The following FMN2 variants were observed in gnomAD, a reference collection of about 807,000 sequenced individuals.
The protein encoded by FMN2 is formin 2, also known as formin-2.
In FMN2, 51 loss-of-function variants were observed where a neutral mutation model predicts 142.3. The observed-to-expected ratio is 0.36, with a 90% CI of 0.29 to 0.45. The LOEUF (loss-of-function observed/expected upper bound fraction) is 0.45, where lower values mean the gene tolerates loss of function less well. Ranked by LOEUF, FMN2 falls within the 20% of genes least tolerant of loss-of-function variation. FMN2 has a pLI of 1.00. For missense variants in FMN2, 1,936 were observed against 2,122.8 expected (o/e 0.91, Z 1.73); for synonymous variants, 882 against 869.8 (o/e 1.01, Z -0.25).
At chr1:240,270,536 C>T (rs1668965260) in intron 7 of FMN2, among the ~76,000 whole-genome samples, 1 of 151,976 alleles carries the variant, frequency 6.6e-6, no homozygotes, top group Non-Finnish European at 1.5e-5. Flanking sequence ...TTGATAACTG[C>T]CACAGCACAA....
chr1:240,452,154 G>A (rs540548709), intron 16 of FMN2, among the ~76,000 whole-genome samples: 29 of 152,138 alleles, frequency 1.9e-4, no homozygotes, highest in African/African-American at 5.3e-4. Context: ...TCACACCACC[G>A]CACTCCAGCC....
intron 6 of FMN2, among the ~76,000 whole-genome samples, chr1:240,216,670 T>C (rs926985776): frequency 6.6e-6 from 1 of 152,254 alleles, no homozygotes; most frequent in African/African-American, 2.4e-5. Flanking sequence ...TTTGGTATCA[T>C]GTTTAGTCTT....
chr1:240,235,594 TA>T (rs66531344), intron 6 of FMN2, among the ~76,000 whole-genome samples: 44,945 of 151,390 alleles, frequency 0.3, 8,071 homozygotes, highest in Non-Finnish European at 0.4. Flanking sequence ...AATTTTTTAT[TA>T]TTTTTTTTAG....
At chr1:240,332,013 A>G (rs555376090) in intron 11 of FMN2, among the ~76,000 whole-genome samples, 32 of 152,270 alleles carry the variant, frequency 2.1e-4, no homozygotes, top group African/African-American at 7.7e-4. Context: ...AAGCATCGGG[A>G]GTCGGAGACT....
intron 7 of FMN2, among the ~76,000 whole-genome samples, chr1:240,280,043 T>G (rs1348761521): frequency 6.6e-6 from 1 of 152,142 alleles, no homozygotes; most frequent in African/African-American, 2.4e-5. Flanking sequence ...TACCCTAACA[T>G]GTCTAATTTT....
intron 14 of FMN2, among the ~76,000 whole-genome samples, chr1:240,356,179 G>C (rs60010933): frequency 0.011 from 1,631 of 152,000 alleles, 32 homozygotes; most frequent in African/African-American, 0.037. Context: ...CTAGATATTA[G>C]TTAAAATAGC....
rs546638460 is a variant in FMN2, at chr1:240,214,415, G to A, written c.4065+3180G>A. Among the ~76,000 whole-genome samples the A allele has an allele frequency of 2.7e-3, 413 of 152,006 alleles. 3 individuals carry two copies. The South Asian group carries it at 0.027, about 10-fold the overall frequency. On this transcript the variant is annotated intron_variant, in intron 6 of 17. Coordinates refer to ENST00000319653, the MANE Select transcript of FMN2 (RefSeq NM_020066.5). ...AAATACAAAAAATTAGCCGGGCGTG[G>A]CAGCAGGTGCCCGTAGTCTCAGCTA... is the stretch of plus-strand genomic sequence containing the variant.
intron 15 of FMN2, among the ~76,000 whole-genome samples, chr1:240,410,142 A>G (rs746458120): frequency 1.5e-5 from 2 of 137,114 alleles, no homozygotes; most frequent in Non-Finnish European, 3.1e-5. Context: ...ACTGTCTCCC[A>G]GATAACAGTA....
intron 16 of FMN2, among the ~76,000 whole-genome samples, chr1:240,450,124 G>A (rs1675959585): frequency 6.6e-6 from 1 of 151,938 alleles, no homozygotes; most frequent in South Asian, 2.1e-4. Context: ...TGGTGTTTTA[G>A]GGCCTATGAT....
intron 14 of FMN2, among the ~76,000 whole-genome samples, chr1:240,367,722 C>T (rs1002510877): frequency 2.3e-4 from 32 of 137,584 alleles, no homozygotes; most frequent in Non-Finnish European, 4.5e-4. Context: ...GAGCCGAGAT[C>T]ACGCCACTGC....
At chr1:240,350,139 A>G (rs1384459116) in intron 13 of FMN2, among the ~76,000 whole-genome samples, 1 of 152,216 alleles carries the variant, frequency 6.6e-6, no homozygotes, top group Non-Finnish European at 1.5e-5. Flanking sequence ...TGTACAAAAT[A>G]TATGAGAGTT....
At chr1:240,144,345 G>C in intron 2 of FMN2, 2 of 1,605,958 alleles carry the variant, frequency 1.2e-6, no homozygotes, top group Non-Finnish European at 1.7e-6. Flanking sequence ...ATGTCATCAG[G>C]CACCTTGGGC....
intron 8 of FMN2, among the ~76,000 whole-genome samples, chr1:240,316,832 A>G (rs12240157): frequency 0.14 from 21,235 of 152,176 alleles, 1,885 homozygotes; most frequent in African/African-American, 0.24. Context: ...ATAGCATCTT[A>G]TAAAACTATA....
chr1:240,398,451 A>AT (rs1366616668), intron 15 of FMN2, among the ~76,000 whole-genome samples: 1 of 152,228 alleles, frequency 6.6e-6, no homozygotes, highest in Non-Finnish European at 1.5e-5. Context: ...AAATTATAAA[A>AT]TCAGAAATTT....
At chr1:240,149,557 G>A (rs1040361212) in intron 2 of FMN2, among the ~76,000 whole-genome samples, 8 of 152,174 alleles carry the variant, frequency 5.3e-5, no homozygotes, top group African/African-American at 1.9e-4. Context: ...ATGTTTCTAA[G>A]CTCAGCAAAT....
Position 240,392,548 on chromosome 1 carries a change from A to G in FMN2, c.4896A>G (p.Thr1632=), listed in dbSNP as rs1673638875. ...IDQEAEENSL[T]ETHKCFLETT... is the part of the protein sequence containing the mutation. Reference sequence around the variant, plus strand: ...AAGAGGCAGAGGAAAATTCACTGACAGAGACTCATAAATGGTGAGAAATTA... The same window carrying G: ...AAGAGGCAGAGGAAAATTCACTGACGGAGACTCATAAATGGTGAGAAATTA... Residue 1632 remains threonine (T), a synonymous_variant, in exon 15 of 18, where the codon ACA becomes ACG. Transcript: ENST00000319653. The G allele has an allele frequency of 6.2e-7, 1 of 1,608,892 alleles. No individual in the cohort carries two copies. The highest frequency in any genetic ancestry group is 8.5e-7 in the Non-Finnish European group (1 of 1,177,552).
intron 7 of FMN2, among the ~76,000 whole-genome samples, chr1:240,263,497 A>G (rs1028275309): frequency 6.6e-6 from 1 of 152,186 alleles, no homozygotes; most frequent in African/African-American, 2.4e-5. Context: ...AGAGATTGCA[A>G]CTAATCCACA....
chr1:240,353,993 A>C (rs1672184757), intron 13 of FMN2, among the ~76,000 whole-genome samples: 1 of 152,078 alleles, frequency 6.6e-6, no homozygotes, highest in Admixed American at 6.5e-5. Context: ...GACTAGAGGG[A>C]GATGGATGGT....
chr1:240,102,013 A>G (rs2103177752), intron 1 of FMN2, among the ~76,000 whole-genome samples: 1 of 152,286 alleles, frequency 6.6e-6, no homozygotes, highest in Non-Finnish European at 1.5e-5. Context: ...ATTATAGTTT[A>G]AACTGCTCAA....
Sources: allele counts gnomAD v4.1 joint callset (sites outside exome capture counted in the v4.1 genomes callset), GRCh38; gene constraint gnomAD v4.1.1; transcripts MANE v1.5; gene names NCBI Gene and HGNC (gene_info 2026-07-23, HGNC 2026-07-21).